DNAH11: variants seen among roughly 807,000 people sequenced by gnomAD.
DNAH11 encodes the protein axonemal beta dynein heavy chain 11.
A neutral mutation model predicts 526.0 loss-of-function variants in DNAH11; 442 were observed. That is an observed-to-expected ratio of 0.84 (90% confidence interval 0.78 to 0.91). The LOEUF is 0.91. Ranked by LOEUF, DNAH11 falls within the 40% of genes least tolerant of loss-of-function variation. The probability of loss-of-function intolerance (pLI) is 0.00; values close to 1 mark genes in which losing one functional copy is unlikely to be tolerated. For synonymous variants in DNAH11, 2,461 were observed against 1,935.9 expected (o/e 1.27, Z -7.12); for missense variants, 6,989 against 5,448.7 (o/e 1.28, Z -8.90).
At chr7:21,677,625 T>C (rs1782949224) in intron 30 of DNAH11, among the ~76,000 whole-genome samples, 1 of 152,240 alleles carries the variant, frequency 6.6e-6, no homozygotes, top group Admixed American at 6.5e-5. Flanking sequence ...CCTCAAGTGA[T>C]CCACCTGCCT....
intron 68 of DNAH11, among the ~76,000 whole-genome samples, chr7:21,858,164 TA>T (rs1232957480): frequency 1.3e-5 from 2 of 152,026 alleles, no homozygotes; most frequent in African/African-American, 4.8e-5. Flanking sequence ...AAATGCAAAA[TA>T]AAAGCAGAAT....
At chr7:21,587,129 A>G (rs1784500394) in intron 9 of DNAH11, among the ~76,000 whole-genome samples, 1 of 152,212 alleles carries the variant, frequency 6.6e-6, no homozygotes, top group Non-Finnish European at 1.5e-5. Context: ...TTGCAAGGAA[A>G]GAGCTATTTT....
At chr7:21,571,151 T>A (rs1263000366) in intron 7 of DNAH11, among the ~76,000 whole-genome samples, 2 of 152,106 alleles carry the variant, frequency 1.3e-5, no homozygotes, top group Admixed American at 6.5e-5. Flanking sequence ...CACTGCCGGG[T>A]ATGGGGTGAT....
chr7:21,617,162 C>G (rs1175590506), intron 22 of DNAH11, among the ~76,000 whole-genome samples: 1 of 152,148 alleles, frequency 6.6e-6, no homozygotes, highest in Non-Finnish European at 1.5e-5. Flanking sequence ...ACCTATTTGG[C>G]ATTTTAAGAT....
rs777407598 is a variant in DNAH11, at chr7:21,852,450, T to G, written c.10897-17T>G. ...TACTTAACCACCATTTCCCACACTT[T>G]TCTTGGTTTTTATTAGTTGGTATTG... On this transcript the variant is annotated splice_polypyrimidine_tract_variant and intron_variant, in intron 66 of 81. Coordinates refer to ENST00000409508, the MANE Select transcript of DNAH11 (RefSeq NM_001277115.2). 1.2e-6 allele frequency: 2 copies of G among 1,602,056 alleles called. No individual in the cohort carries two copies.
intron 8 of DNAH11, among the ~76,000 whole-genome samples, chr7:21,579,356 T>G (rs1188477546): frequency 1.3e-5 from 2 of 152,150 alleles, no homozygotes; most frequent in Non-Finnish European, 2.9e-5. Context: ...GAAAGAAAAA[T>G]AAACCTGGCA....
Position 21,748,623 on chromosome 7 carries a change from C to T in DNAH11, c.8554C>T (p.Leu2852Phe), listed in dbSNP as rs1363623324. ...CTTACGAACCCCTCAGGGCTGTGCT[C>T]TCTTGGTTGGAGTTGGGGGCAGTGG... ...RILRTPQGCA[L>F]LVGVGGSGKQ... Residue 2852 changes from leucine (L) to phenylalanine (F), a missense_variant, in exon 52 of 82, where the codon CTC becomes TTC. By Grantham distance (22) the Leu-to-Phe change is conservative (BLOSUM62 0). Coordinates refer to ENST00000409508, the MANE Select transcript of DNAH11 (RefSeq NM_001277115.2). The T allele has an allele frequency of 1.9e-6, 3 of 1,611,598 alleles. No individual in the cohort carries two copies. The highest frequency in any genetic ancestry group is 1.3e-5 in the African/African-American group (1 of 74,878).
chr7:21,591,156 C>CTTTTTGTT (rs748294855), intron 13 of DNAH11, 29 bp from the exon 14 acceptor site: 1 of 1,520,708 alleles, frequency 6.6e-7, no homozygotes, highest in Admixed American at 2.3e-5. Context: ...ATATTTGGCA[C>CTTTTTGTT]TTTTTGTTTT....
At chr7:21,559,087 G>A (rs2128430957) in intron 3 of DNAH11, 89 bp downstream of exon 3, 6 of 1,145,268 alleles carry the variant, frequency 5.2e-6, no homozygotes, top group Non-Finnish European at 6.1e-6. Flanking sequence ...CAATTTGGAG[G>A]CTGAGGTGGG....
chr7:21,644,695 A>G (rs1787273053), intron 28 of DNAH11, among the ~76,000 whole-genome samples: 1 of 152,208 alleles, frequency 6.6e-6, no homozygotes, highest in Admixed American at 6.5e-5. Context: ...AGGAGGAAGG[A>G]ATAGAAGCTG....
chr7:21,726,586 G>A (rs1163464403), intron 45 of DNAH11, among the ~76,000 whole-genome samples: 1 of 151,904 alleles, frequency 6.6e-6, no homozygotes, highest in African/African-American at 2.4e-5. Context: ...TGATGGCCAG[G>A]CGCGGTGGTT....
In DNAH11 at chr7:21,591,565, C is replaced by T; in HGVS notation, c.2655C>T (p.His885=). ...KLIQGDGCKI[H]NLVEENRKLF... is the part of the protein sequence containing the mutation. ...TCCAAGGAGATGGCTGCAAGATCCA[C>T]AACTTGGTCGAGGTAATGGCTTTTA... is the stretch of plus-strand genomic sequence containing the variant. The change falls in exon 14 of 82, where the codon CAC becomes CAT. Residue 885 remains histidine (H), a synonymous_variant. Coordinates refer to ENST00000409508, the MANE Select transcript of DNAH11 (RefSeq NM_001277115.2). 3 of 1,566,026 alleles carry T rather than the reference C, an allele frequency of 1.9e-6. No individual in the cohort carries two copies. The highest frequency in any genetic ancestry group is 1.7e-6 in the Non-Finnish European group (2 of 1,152,534).
At chr7:21,767,801 G>A (rs1216866224) in intron 55 of DNAH11, among the ~76,000 whole-genome samples, 3 of 152,124 alleles carry the variant, frequency 2.0e-5, no homozygotes. Context: ...TTTTTTGAAT[G>A]AGCACTAATT....
At chr7:21,758,617 A>G (rs796603175) in intron 54 of DNAH11, among the ~76,000 whole-genome samples, 6 of 152,354 alleles carry the variant, frequency 3.9e-5, no homozygotes, top group African/African-American at 9.6e-5. Context: ...GTAAGATAAC[A>G]GAAGACAGGG....
At chr7:21,655,159 A>T (rs1211676725) in intron 28 of DNAH11, among the ~76,000 whole-genome samples, 1 of 152,004 alleles carries the variant, frequency 6.6e-6, no homozygotes, top group Non-Finnish European at 1.5e-5. Context: ...TTAGGATGTA[A>T]GAGGTTATGA....
intron 30 of DNAH11, among the ~76,000 whole-genome samples, chr7:21,666,983 GCTGA>G (rs1281849741): frequency 6.6e-6 from 1 of 152,072 alleles, no homozygotes; most frequent in Non-Finnish European, 1.5e-5. Context: ...TGAATTGATA[GCTGA>G]CTAAGAACAG....
In DNAH11 at chr7:21,570,327, A is replaced by T. The variant is rs1783835836; in HGVS notation, c.1425+28A>T. The T allele has an allele frequency of 1.3e-6, 2 of 1,563,082 alleles. 1 individual carries two copies. The highest frequency in any genetic ancestry group is 2.4e-5 in the South Asian group (2 of 83,540). On this transcript the variant is annotated intron_variant, in intron 7 of 81. Coordinates refer to ENST00000409508, the MANE Select transcript of DNAH11 (RefSeq NM_001277115.2). ...ATTCATTTTTTGATTTTATTTATTC[A>T]TGTTGAAGGTGGGTGCAAAAAGCCA...
At chr7:21,735,423 A>T (rs1475414254) in intron 45 of DNAH11, among the ~76,000 whole-genome samples, 1 of 152,188 alleles carries the variant, frequency 6.6e-6, no homozygotes, top group Non-Finnish European at 1.5e-5. Context: ...GCATTATCCA[A>T]TTGCTCTCCT....
At chr7:21,845,190 G>T (rs1193439217) in intron 66 of DNAH11, among the ~76,000 whole-genome samples, 1 of 152,026 alleles carries the variant, frequency 6.6e-6, no homozygotes, top group Admixed American at 6.6e-5. Context: ...TCACTTTCTT[G>T]TTGGTGTCCT....
Sources: allele counts gnomAD v4.1 joint callset (sites outside exome capture counted in the v4.1 genomes callset), GRCh38; gene constraint gnomAD v4.1.1; transcripts MANE v1.5; gene names NCBI Gene and HGNC (gene_info 2026-07-23, HGNC 2026-07-21).